Variants in CLMP observed in about 807,000 individuals in gnomAD.
CLMP encodes the protein CXADR like cell adhesion molecule.
CLMP carries 27 observed loss-of-function variants against 45.2 expected under a neutral mutation model. That is an observed-to-expected ratio of 0.60 (90% CI 0.44 to 0.82). The LOEUF is 0.82. Among genes scored for constraint, CLMP ranks in the 40% least tolerant of loss-of-function variants. CLMP has a pLI of 0.00. For synonymous variants in CLMP, 167 were observed against 171.4 expected (o/e 0.97, Z 0.20); for missense variants, 403 against 448.4 (o/e 0.90, Z 0.91).
chr11:123,163,934 G>A (rs1274002007), intron 1 of CLMP, among the ~76,000 whole-genome samples: 1 of 152,078 alleles, frequency 6.6e-6, no homozygotes, highest in Non-Finnish European at 1.5e-5. Context: ...TCGTCTACAG[G>A]TTCCCTCTGT....
intron 1 of CLMP, among the ~76,000 whole-genome samples, chr11:123,125,770 AT>A (rs1398645459): frequency 6.6e-6 from 1 of 150,476 alleles, no homozygotes; most frequent in Non-Finnish European, 1.5e-5. Flanking sequence ...CGCCTGGCTA[AT>A]TTTTTTGTAT....
intron 1 of CLMP, chr11:123,136,442 C>A (rs1230304941): frequency 2.4e-6 from 1 of 409,108 alleles, no homozygotes; most frequent in East Asian, 5.8e-5. Flanking sequence ...TCCTTGTCCC[C>A]CCCCACCCCA....
chr11:123,172,850 T>C (rs1186556436), intron 1 of CLMP, among the ~76,000 whole-genome samples: 3 of 152,252 alleles, frequency 2.0e-5, no homozygotes, highest in African/African-American at 4.8e-5. Context: ...AATGGAATTA[T>C]TGGGCCAAGG....
chr11:123,176,992 G>C (rs191497652), intron 1 of CLMP, among the ~76,000 whole-genome samples: 136 of 152,314 alleles, frequency 8.9e-4, no homozygotes, highest in African/African-American at 2.5e-3. Flanking sequence ...CATGCCTACA[G>C]AGAGCTTATG....
At chr11:123,169,326 T>A (rs1162420708) in intron 1 of CLMP, among the ~76,000 whole-genome samples, 1 of 152,166 alleles carries the variant, frequency 6.6e-6, no homozygotes, top group Non-Finnish European at 1.5e-5. Flanking sequence ...CTTCACACAG[T>A]CTTCTTTGTC....
chr11:123,159,187 G>A (rs1489894329), intron 1 of CLMP, among the ~76,000 whole-genome samples: 2 of 152,220 alleles, frequency 1.3e-5, no homozygotes, highest in African/African-American at 4.8e-5. Context: ...ATGGTGTTTG[G>A]AAAGCCCAGC....
chr11:123,144,302 A>G (rs972095200), intron 1 of CLMP, among the ~76,000 whole-genome samples: 9 of 152,268 alleles, frequency 5.9e-5, no homozygotes, highest in Admixed American at 2.6e-4. Context: ...AATGCATTGT[A>G]GATGCAGAAT....
chr11:123,133,814 C>T (rs901876302), intron 1 of CLMP, among the ~76,000 whole-genome samples: 5 of 152,108 alleles, frequency 3.3e-5, no homozygotes, highest in Non-Finnish European at 5.9e-5. Flanking sequence ...CGAATCTGAG[C>T]GGGGAGGCCT....
intron 1 of CLMP, among the ~76,000 whole-genome samples, chr11:123,182,826 A>C (rs941058886): frequency 6.6e-6 from 1 of 152,180 alleles, no homozygotes; most frequent in African/African-American, 2.4e-5. Flanking sequence ...CTCAATGCCC[A>C]CACACCCTCA....
intron 1 of CLMP, among the ~76,000 whole-genome samples, chr11:123,153,198 G>T (rs1861366368): frequency 6.6e-6 from 1 of 152,160 alleles, no homozygotes; most frequent in African/African-American, 2.4e-5. Flanking sequence ...ATTCAAGCTT[G>T]CCAGTCATCT....
rs763541005 is a variant in CLMP at position 123,175,087 on chromosome 11, G to A, written c.28+19826C>T. The stretch of plus-strand genomic sequence containing the variant: ...TCCTGCCTCTGTCTCTCTAGTAGCC[G>A]GGACTGTGGGCCTGCACCACCATGC... On this transcript the variant is annotated intron_variant, in intron 1 of 6. Coordinates refer to ENST00000448775, the MANE Select transcript of CLMP (RefSeq NM_024769.5). 4.6e-5 allele frequency among the ~76,000 whole-genome samples: 7 copies of A among 152,222 alleles called. No individual in the cohort carries two copies. In the South Asian group the frequency reaches 6.2e-4, roughly 14 times the overall value.
At chr11:123,125,563 T>TCCTCCCTC (rs1230906897) in intron 1 of CLMP, among the ~76,000 whole-genome samples, 1 of 91,444 alleles carries the variant, frequency 1.1e-5, no homozygotes, top group African/African-American at 3.9e-5. Flanking sequence ...CTCCCTCCCT[T>TCCTCCCTC]CCTCCCTCCC....
intron 1 of CLMP, chr11:123,136,177 T>C: frequency 1.6e-6 from 1 of 633,740 alleles, no homozygotes; most frequent in South Asian, 1.4e-5. Context: ...GTTTTCAAAC[T>C]TTCTGGAACA....
At chr11:123,089,689 A>G (rs1026418111) in intron 2 of CLMP, among the ~76,000 whole-genome samples, 1 of 150,312 alleles carries the variant, frequency 6.7e-6, no homozygotes, top group African/African-American at 2.4e-5. Context: ...AGGCAGGAGA[A>G]TGGCATGAAC....
Position 123,084,518 on chromosome 11 carries a change from C to G in CLMP, c.382G>C (p.Val128Leu). 4 of 1,613,836 alleles carry G rather than the reference C, an allele frequency of 2.5e-6. No homozygotes were observed. The highest frequency in any genetic ancestry group is 3.4e-6 in the Non-Finnish European group (4 of 1,179,712). Residue 128 changes from valine to leucine, a missense_variant, in exon 3 of 7, where the codon GTC becomes CTC. Val to Leu is a conservative substitution (Grantham distance 32, BLOSUM62 1). Coordinates refer to ENST00000448775, the MANE Select transcript of CLMP (RefSeq NM_024769.5). ...CTTTGGCATCCTATCTTACCTAAGA[C>G]TTTTAAGATGACATGGCTCCACACG... ...RYVWSHVILKVLVRPSKPKCE... is the reference protein window; with the variant it reads ...RYVWSHVILKLLVRPSKPKCE...
At chr11:123,154,018 G>T (rs1861378229) in intron 1 of CLMP, among the ~76,000 whole-genome samples, 1 of 151,870 alleles carries the variant, frequency 6.6e-6, no homozygotes, top group Non-Finnish European at 1.5e-5. Context: ...TCTTCCTTTG[G>T]TTCTTTTTTG....
rs564712374 is a variant in CLMP at position 123,187,866 on chromosome 11, C to T, written c.28+7047G>A. On this transcript the variant is annotated intron_variant, in intron 1 of 6. Coordinates refer to ENST00000448775, the MANE Select transcript of CLMP (RefSeq NM_024769.5). ...ACTGATTAATTCTACTCATTTCTGACGCTGATGGGTGATCCATCAACCCAC... is the reference window on the plus strand; with the variant it reads ...ACTGATTAATTCTACTCATTTCTGATGCTGATGGGTGATCCATCAACCCAC... Among the ~76,000 whole-genome samples the T allele has an allele frequency of 1.4e-3, 209 of 152,256 alleles. 1 individual carries two copies. Among genetic ancestry groups the T allele is most frequent in the African/African-American group, 4.3e-3 (177 of 41,540 alleles).
chr11:123,195,018 C>T lies in CLMP; in HGVS notation c.-78G>A. 6.8e-7 allele frequency: 1 copy of T among 1,470,572 alleles called. No individual in the cohort carries two copies. The highest frequency in any genetic ancestry group is 9.2e-7 in the Non-Finnish European group (1 of 1,091,972). The allele number at this position is 1,470,572 out of a possible 1,614,324, so 91.1% of individuals were successfully genotyped here. Reference sequence around the variant, plus strand: ...GCGGCCGGGCGCCTCCGACGGACCTCGGGCGAGCTGGGCGCGGCGCCTCGG... The same window carrying T: ...GCGGCCGGGCGCCTCCGACGGACCTTGGGCGAGCTGGGCGCGGCGCCTCGG... On this transcript the variant is annotated 5_prime_UTR_variant, in exon 1 of 7. Coordinates refer to ENST00000448775, the MANE Select transcript of CLMP (RefSeq NM_024769.5).
intron 1 of CLMP, among the ~76,000 whole-genome samples, chr11:123,116,358 G>C (rs1860719673): frequency 6.6e-6 from 1 of 152,002 alleles, no homozygotes; most frequent in African/African-American, 2.4e-5. Flanking sequence ...CCTGAGATCA[G>C]TAGTTCGAGA....
Sources: gnomAD v4.1 joint callset for allele counts (sites outside exome capture counted in the v4.1 genomes callset) on GRCh38, gnomAD v4.1.1 for gene constraint, MANE v1.5 for transcripts, NCBI Gene and HGNC (gene_info 2026-07-23, HGNC 2026-07-21) for gene names.